UBASH3A: variants seen among roughly 807,000 people sequenced by gnomAD.
UBASH3A encodes the protein ubiquitin associated and SH3 domain containing A.
UBASH3A carries 63 observed loss-of-function variants against 73.5 expected under a neutral mutation model. That is an observed-to-expected ratio of 0.86 (90% CI 0.70 to 1.06). UBASH3A has a LOEUF of 1.06. Ranked by LOEUF, UBASH3A falls within the 50% of genes least tolerant of loss-of-function variation. The probability of loss-of-function intolerance (pLI) is 0.00; values close to 1 mark genes in which losing one functional copy is unlikely to be tolerated. For missense variants in UBASH3A, 860 were observed against 859.0 expected (o/e 1.00, Z -0.02); for synonymous variants, 363 against 351.1 (o/e 1.03, Z -0.38).
intron 2 of UBASH3A, among the ~76,000 whole-genome samples, chr21:42,408,900 A>AAAT (rs1483114623): frequency 9.2e-6 from 1 of 109,196 alleles, no homozygotes; most frequent in Non-Finnish European, 2.2e-5. Flanking sequence ...AAATAAAATA[A>AAAT]AATAAAATAA....
intron 11 of UBASH3A, among the ~76,000 whole-genome samples, chr21:42,440,151 G>A (rs1568939317): frequency 6.6e-6 from 1 of 152,228 alleles, no homozygotes; most frequent in Admixed American, 6.5e-5. Flanking sequence ...GTCCCGCGAT[G>A]TCCGCCTCTC....
At chr21:42,405,617 C>G (rs1282012896) in intron 1 of UBASH3A, among the ~76,000 whole-genome samples, 3 of 152,222 alleles carry the variant, frequency 2.0e-5, no homozygotes, top group African/African-American at 7.2e-5. Flanking sequence ...GTGGTGGGTT[C>G]CTCATGGACG....
In UBASH3A at chr21:42,416,545, C is replaced by A; in HGVS notation, c.771C>A (p.Pro257=). 1 of 1,610,574 alleles carries A rather than the reference C, an allele frequency of 6.2e-7. No individual in the cohort carries two copies. The highest frequency in any genetic ancestry group is 8.5e-7 in the Non-Finnish European group (1 of 1,178,654). Residue 257 remains proline, a synonymous_variant, in exon 6 of 15, where the codon CCC becomes CCA. Coordinates refer to ENST00000319294, the MANE Select transcript of UBASH3A (RefSeq NM_018961.4). ...RTLEQLARAI[P]LGHSCQWTAA... The stretch of plus-strand genomic sequence containing the variant: ...TGGAGCAGCTGGCCAGAGCCATCCC[C>A]CTGGGCCACAGCTGCCAGTGGACCG...
intron 7 of UBASH3A, among the ~76,000 whole-genome samples, chr21:42,424,614 G>A (rs1293046913): frequency 6.6e-6 from 1 of 152,112 alleles, no homozygotes; most frequent in Non-Finnish European, 1.5e-5. Flanking sequence ...CCCCAGTCAA[G>A]ATGAGGACTT....
In UBASH3A at chr21:42,403,902, A is replaced by G. The variant is rs1246811909; in HGVS notation, c.-44A>G. The G allele has an allele frequency of 7.9e-7, 1 of 1,270,756 alleles. No individual in the cohort carries two copies. The highest frequency in any genetic ancestry group is 1.1e-6 in the Non-Finnish European group (1 of 950,622). The allele number at this position is 1,270,756 out of a possible 1,614,324, so 78.7% of individuals were successfully genotyped here. ...TCTCCCCCTCTTGCTTTATCTCCTC[A>G]TTTCTGTGTGCAGGCGAGCTTCTTG... On this transcript the variant is annotated 5_prime_UTR_variant, in exon 1 of 15. Coordinates refer to ENST00000319294, the MANE Select transcript of UBASH3A (RefSeq NM_018961.4).
At chr21:42,405,246 A>G (rs1160661510) in intron 1 of UBASH3A, among the ~76,000 whole-genome samples, 1 of 152,112 alleles carries the variant, frequency 6.6e-6, no homozygotes, top group East Asian at 1.9e-4. Context: ...CAGGGCGGCC[A>G]CCGGGCACCG....
At chr21:42,421,251 C>T (rs1184189808) in intron 7 of UBASH3A, among the ~76,000 whole-genome samples, 1 of 152,128 alleles carries the variant, frequency 6.6e-6, no homozygotes, top group Non-Finnish European at 1.5e-5. Context: ...GGTGTCAAGA[C>T]TGATGGTTGG....
At chr21:42,410,257 G>A in intron 3 of UBASH3A, 1 of 684,156 alleles carries the variant, frequency 1.5e-6, no homozygotes, top group South Asian at 1.5e-5. Context: ...AAGGAGAAGG[G>A]AGAGACAGAC....
chr21:42,426,712 T>C lies in UBASH3A; in HGVS notation c.1062T>C (p.Ser354=). Residue 354 remains serine (S), a synonymous_variant, in exon 8 of 15, where the codon AGT becomes AGC. Coordinates refer to ENST00000319294, the MANE Select transcript of UBASH3A (RefSeq NM_018961.4). ...TWVKHRMYTF[S]LATDLNSRKD... The stretch of plus-strand genomic sequence containing the variant: ...TCCCCTGCAGGATGTACACCTTCAG[T>C]CTAGCCACAGACCTGAACTCCAGAA... 1 of 1,613,980 alleles carries C rather than the reference T, an allele frequency of 6.2e-7. No individual in the cohort carries two copies. The highest frequency in any genetic ancestry group is 8.5e-7 in the Non-Finnish European group (1 of 1,179,864).
chr21:42,426,656 G>T, intron 7 of UBASH3A, 41 bp from the exon 8 acceptor site: 1 of 1,606,788 alleles, frequency 6.2e-7, no homozygotes, highest in South Asian at 1.1e-5. Context: ...GCAACAACAT[G>T]GTCTCACTTC....
chr21:42,409,360 C>G (rs2053042577), intron 2 of UBASH3A, 62 bp from the exon 3 acceptor site: 1 of 1,482,342 alleles, frequency 6.7e-7, no homozygotes, highest in Non-Finnish European at 9.0e-7. Context: ...GTTGTGTATC[C>G]TCAAAGGGGA....
At chr21:42,412,105 G>A (rs1404539075) in intron 3 of UBASH3A, among the ~76,000 whole-genome samples, 1 of 152,210 alleles carries the variant, frequency 6.6e-6, no homozygotes, top group Non-Finnish European at 1.5e-5. Flanking sequence ...TTCCCCTGTG[G>A]TCCGATGTGG....
chr21:42,432,520 G>A (rs2053552251), intron 9 of UBASH3A, among the ~76,000 whole-genome samples: 1 of 149,318 alleles, frequency 6.7e-6, no homozygotes, highest in Non-Finnish European at 1.5e-5. Context: ...TGAATGCCAG[G>A]AAGTAAGAAT....
Position 42,413,615 on chromosome 21 carries a change from C to T in UBASH3A, c.667+92C>T. The T allele has an allele frequency of 2.1e-6, 2 of 959,632 alleles. No homozygotes were observed. Among genetic ancestry groups the T allele is most frequent in the South Asian group, 3.3e-5 (2 of 61,286 alleles). 59.4% of individuals were successfully genotyped at this position (959,632 alleles called of 1,614,324 possible). A position where few individuals can be genotyped will look rare whatever the true frequency, so the allele number is the denominator to read the frequency against. ...ATTATGTGGTTTTTAAAATGCTTAG[C>T]TATATGCCAACAGCCTGGGAAAGTG... On this transcript the variant is annotated intron_variant, in intron 5 of 14. Coordinates refer to ENST00000319294, the MANE Select transcript of UBASH3A (RefSeq NM_018961.4). This position sits in a 1 kb window ranked among gnomAD's most constrained non-coding sequence, Gnocchi z 4.5.
intron 2 of UBASH3A, 119 bp from the exon 3 acceptor site, chr21:42,409,303 T>A: frequency 1.0e-6 from 1 of 1,002,420 alleles, no homozygotes; most frequent in Non-Finnish European, 1.4e-6. Context: ...GCATATATGA[T>A]GTCTTCAGTG....
chr21:42,406,255 C>T, intron 1 of UBASH3A, 53 bp from the exon 2 acceptor site: 1 of 1,526,812 alleles, frequency 6.5e-7, no homozygotes, highest in Non-Finnish European at 9.1e-7. Context: ...CTCTCTGACC[C>T]TTTTCCCAAG....
rs1568912979 is a variant in UBASH3A, at chr21:42,413,248, C to T, written c.553+26C>T. ...GTGGGCAGCCCTGGCCAGTTGCAAA[C>T]ACAGGGCTGGATTCACAGTGAGTGA... On this transcript the variant is annotated intron_variant, in intron 4 of 14. Transcript: ENST00000319294. This position sits in a 1 kb window ranked among gnomAD's most constrained non-coding sequence, Gnocchi z 4.5. 1.9e-6 allele frequency: 3 copies of T among 1,612,310 alleles called. No individual in the cohort carries two copies. Among genetic ancestry groups the T allele is most frequent in the Admixed American group, 3.3e-5 (2 of 59,998 alleles).
At chr21:42,410,431 C>T (rs2146498295) in intron 3 of UBASH3A, 1 of 522,918 alleles carries the variant, frequency 1.9e-6, no homozygotes, top group South Asian at 3.1e-5. Flanking sequence ...ACACCAGGCC[C>T]CTCGGTGCTG....
chr21:42,445,318 T>C (rs1175770254), intron 14 of UBASH3A, among the ~76,000 whole-genome samples: 1 of 152,200 alleles, frequency 6.6e-6, no homozygotes, highest in Non-Finnish European at 1.5e-5. Context: ...AGTCCTGACC[T>C]TTTTATGAAA....
Sources: gnomAD v4.1 joint callset for allele counts (sites outside exome capture counted in the v4.1 genomes callset) on GRCh38, gnomAD v4.1.1 for gene constraint, Gnocchi (gnomAD v3.1) non-coding constraint, MANE v1.5 for transcripts, NCBI Gene and HGNC (gene_info 2026-07-23, HGNC 2026-07-21) for gene names.